The following SPON1 variants were observed in gnomAD, a reference collection of about 807,000 sequenced individuals.
SPON1 encodes the protein spondin 1.
Under a neutral mutation model 111.7 loss-of-function variants are expected in SPON1, and 52 were observed. The observed-to-expected ratio is 0.47, with a 90% CI of 0.37 to 0.59. The LOEUF (loss-of-function observed/expected upper bound fraction) is 0.59. Ranked by LOEUF, SPON1 falls within the 20% of genes least tolerant of loss-of-function variation. The pLI is 0.00. For synonymous variants in SPON1, 410 were observed against 395.8 expected, an observed-to-expected ratio of 1.04 and a Z score of -0.43; for missense variants, 957 against 1,068.5, an observed-to-expected ratio of 0.90 and a Z score of 1.46.
At chr11:14,032,080 TGAG>T (rs782089982) in intron 2 of SPON1, among the ~76,000 whole-genome samples, 18 of 152,128 alleles carry the variant, frequency 1.2e-4, no homozygotes, top group Admixed American at 2.0e-4. Flanking sequence ...CCAAATAAGA[TGAG>T]GTATTATGCT....
chr11:13,968,520 A>G (rs1848037114), intron 1 of SPON1, among the ~76,000 whole-genome samples: 1 of 152,266 alleles, frequency 6.6e-6, no homozygotes, highest in Non-Finnish European at 1.5e-5. Flanking sequence ...ATTACATATT[A>G]AAATTATAAT....
intron 6 of SPON1, among the ~76,000 whole-genome samples, chr11:14,169,036 C>A (rs1848066646): frequency 2.0e-5 from 3 of 152,162 alleles, no homozygotes; most frequent in African/African-American, 4.8e-5. Flanking sequence ...ATGGCTGGGT[C>A]AAATGGTATT....
chr11:14,051,086 G>A (rs1848704256), intron 3 of SPON1, among the ~76,000 whole-genome samples: 1 of 152,172 alleles, frequency 6.6e-6, no homozygotes, highest in Admixed American at 6.5e-5. Flanking sequence ...GAGGGGTGTA[G>A]AGTTGCCTAT....
chr11:14,232,896 G>C (rs1220305846), intron 6 of SPON1, among the ~76,000 whole-genome samples: 1 of 151,852 alleles, frequency 6.6e-6, no homozygotes, highest in Non-Finnish European at 1.5e-5. Context: ...GCACATGGCA[G>C]GGGGGGCAGT....
At chr11:14,186,457 T>C (rs747662324) in intron 6 of SPON1, among the ~76,000 whole-genome samples, 5 of 152,190 alleles carry the variant, frequency 3.3e-5, no homozygotes, top group Non-Finnish European at 5.9e-5. Context: ...GTGGACATGC[T>C]AGGGATTGGA....
chr11:14,100,050 C>T (rs1849131291), intron 5 of SPON1, among the ~76,000 whole-genome samples: 1 of 152,100 alleles, frequency 6.6e-6, no homozygotes, highest in Non-Finnish European at 1.5e-5. Flanking sequence ...CTGGGGGTTA[C>T]ATTTCAATAT....
chr11:13,981,963 C>T lies in SPON1; in HGVS notation c.239-884C>T, dbSNP rs142345768. 3.0e-3 allele frequency among the ~76,000 whole-genome samples: 454 copies of T among 152,280 alleles called. 1 individual carries two copies. Among genetic ancestry groups the T allele is most frequent in the African/African-American group, 0.01 (432 of 41,556 alleles). ...GGTCAGGCTTGGAAGTAGAGTATAG[C>T]AGTACTCCCTTATCCGAGGTTTTGC... On this transcript the variant is annotated intron_variant, in intron 1 of 15. Coordinates refer to ENST00000576479, the MANE Select transcript of SPON1 (RefSeq NM_006108.4).
chr11:14,207,351 AG>A (rs1554936286), intron 6 of SPON1, among the ~76,000 whole-genome samples: 1 of 152,234 alleles, frequency 6.6e-6, no homozygotes, highest in African/African-American at 2.4e-5. Context: ...TTGCAACAAA[AG>A]CAAAAATTGA....
chr11:14,143,574 A>G (rs188804771), intron 6 of SPON1, among the ~76,000 whole-genome samples: 2,382 of 145,348 alleles, frequency 0.016, 162 homozygotes, highest in Admixed American at 0.13. Flanking sequence ...AAAAAAAAAA[A>G]GGGCAGGGGA....
chr11:14,004,647 C>G (rs1848345339), intron 2 of SPON1, among the ~76,000 whole-genome samples: 1 of 152,086 alleles, frequency 6.6e-6, no homozygotes, highest in South Asian at 2.1e-4. Flanking sequence ...GAAAAAATGT[C>G]TGTTCAGGTT....
At chr11:14,088,796 A>G (rs1849027345) in intron 5 of SPON1, among the ~76,000 whole-genome samples, 1 of 151,596 alleles carries the variant, frequency 6.6e-6, no homozygotes. Flanking sequence ...GTCTTTTCAT[A>G]TACTCCCATA....
rs150569372 is a variant in SPON1, at chr11:14,015,886, C to G, written c.346-25635C>G. On this transcript the variant is annotated intron_variant, in intron 2 of 15. Transcript: ENST00000576479. ...TCACCTTTGACTTTACCTGCCTTAT[C>G]TGACCGGCTCATAGCAGGCTGGGGT... 6.6e-4 allele frequency among the ~76,000 whole-genome samples: 101 copies of G among 152,310 alleles called. 2 individuals are homozygous for G. Among genetic ancestry groups the G allele is most frequent in the South Asian group, 1.0e-3 (5 of 4,828 alleles).
chr11:14,045,829 G>A (rs974825178), intron 3 of SPON1, among the ~76,000 whole-genome samples: 1 of 151,646 alleles, frequency 6.6e-6, no homozygotes, highest in Non-Finnish European at 1.5e-5. Context: ...TTGCTTGTGG[G>A]TGTCTAATCA....
intron 6 of SPON1, among the ~76,000 whole-genome samples, chr11:14,136,893 T>C (rs546644476): frequency 1.3e-5 from 2 of 152,260 alleles, no homozygotes; most frequent in South Asian, 4.1e-4. Context: ...CAGGGCTCTA[T>C]ATTGGTGCTA....
intron 2 of SPON1, among the ~76,000 whole-genome samples, chr11:14,005,616 T>C (rs1269145441): frequency 1.5e-4 from 23 of 152,230 alleles, no homozygotes; most frequent in African/African-American, 5.5e-4. Context: ...ACTCTTGCTG[T>C]GTAACTTTAA....
intron 1 of SPON1, among the ~76,000 whole-genome samples, chr11:13,978,736 C>T (rs1382395220): frequency 6.6e-6 from 1 of 152,138 alleles, no homozygotes; most frequent in East Asian, 1.9e-4. Context: ...TTGAAGTTTG[C>T]AGAATGGAGG....
intron 6 of SPON1, among the ~76,000 whole-genome samples, chr11:14,196,568 T>TC (rs1848404829): frequency 6.6e-6 from 1 of 152,232 alleles, no homozygotes; most frequent in African/African-American, 2.4e-5. Context: ...AGATCAAACA[T>TC]CCTTGTTCCT....
At chr11:14,183,759 T>C (rs1455789666) in intron 6 of SPON1, among the ~76,000 whole-genome samples, 1 of 147,504 alleles carries the variant, frequency 6.8e-6, no homozygotes, top group Non-Finnish European at 1.5e-5. Context: ...GTTATGGAGT[T>C]GGGATTTAAA....
chr11:14,062,435 T>A (rs1403435673), intron 3 of SPON1, among the ~76,000 whole-genome samples: 2 of 152,206 alleles, frequency 1.3e-5, no homozygotes, highest in African/African-American at 4.8e-5. Context: ...AGGCCAGGAT[T>A]TACTACCTTT....
Sources: gnomAD v4.1 joint callset for allele counts (sites outside exome capture counted in the v4.1 genomes callset) on GRCh38, gnomAD v4.1.1 for gene constraint, MANE v1.5 for transcripts, NCBI Gene and HGNC (gene_info 2026-07-23, HGNC 2026-07-21) for gene names.